Variants in PCDHGA1 observed in about 807,000 individuals in gnomAD.
PCDHGA1 encodes the protein protocadherin gamma subfamily A, 1.
PCDHGA1 carries 32 observed loss-of-function variants against 58.0 expected under a neutral mutation model. The observed-to-expected ratio is 0.55, with a 90% CI of 0.42 to 0.74. PCDHGA1 has a LOEUF of 0.74. PCDHGA1 is among the 30% of genes least tolerant of loss of function. The pLI, the probability that PCDHGA1 is intolerant of heterozygous loss-of-function variation, is 0.00. For synonymous variants in PCDHGA1, 498 were observed against 501.1 expected (o/e 0.99, Z 0.08); for missense variants, 1,205 against 1,182.3 (o/e 1.02, Z -0.28).
Position 141,491,910 on chromosome 5 carries a change from G to A in PCDHGA1, c.2422-2897G>A, listed in dbSNP as rs946745903. 1.4e-5 allele frequency: 19 copies of A among 1,406,944 alleles called. No individual in the cohort carries two copies. The South Asian group carries it at 2.6e-4, about 19-fold the overall frequency. 87.2% of individuals were successfully genotyped at this position (1,406,944 alleles called of 1,614,324 possible). On this transcript the variant is annotated intron_variant, in intron 1 of 3. Transcript: ENST00000517417. This position sits in a 1 kb window ranked among gnomAD's most constrained non-coding sequence, Gnocchi z 6.9. ...GGCTCCGAGCACCGGGGGTGGTGGCGACTGTGGGCGAGGGGAGGTGGGACC... is the reference window on the plus strand; with the variant it reads ...GGCTCCGAGCACCGGGGGTGGTGGCAACTGTGGGCGAGGGGAGGTGGGACC...
At chr5:141,355,634 A>G in intron 1 of PCDHGA1, 2 of 1,614,002 alleles carry the variant, frequency 1.2e-6, no homozygotes, top group African/African-American at 2.7e-5. Context: ...GTTGCTGAAA[A>G]TGAAAATCCT....
chr5:141,510,978 G>A lies in PCDHGA1; in HGVS notation c.2601G>A (p.Gly867=), dbSNP rs2099883535. 1.2e-6 allele frequency: 2 copies of A among 1,614,160 alleles called. No homozygotes were observed. The change falls in exon 4 of 4, where the codon GGG becomes GGA. Residue 867 remains glycine, a synonymous_variant. Transcript: ENST00000517417. The part of the protein sequence containing the change: ...EAADGSSTLG[G]GAGTMGLSAR... Reference sequence around the variant, plus strand: ...CTGATGGGAGCTCCACCCTGGGAGGGGGTGCCGGCACCATGGGATTGAGCG... The same window carrying A: ...CTGATGGGAGCTCCACCCTGGGAGGAGGTGCCGGCACCATGGGATTGAGCG...
intron 1 of PCDHGA1, among the ~76,000 whole-genome samples, chr5:141,469,186 G>T (rs536021769): frequency 6.6e-6 from 1 of 151,978 alleles, no homozygotes; most frequent in Admixed American, 6.6e-5. Flanking sequence ...TGAGGCAAGA[G>T]GATTGCTTGA....
intron 1 of PCDHGA1, chr5:141,398,960 C>A (rs779158655): frequency 3.1e-6 from 5 of 1,613,986 alleles, no homozygotes. Flanking sequence ...TCAGAAATTA[C>A]TTATTCCTTC....
At chr5:141,509,136 C>T (rs1217992935) in intron 3 of PCDHGA1, among the ~76,000 whole-genome samples, 1 of 152,142 alleles carries the variant, frequency 6.6e-6, no homozygotes, top group Non-Finnish European at 1.5e-5. Context: ...AAAACCGAGG[C>T]GCATCCCGGC....
At chr5:141,455,837 AT>A (rs2098833014) in intron 1 of PCDHGA1, among the ~76,000 whole-genome samples, 2 of 151,422 alleles carry the variant, frequency 1.3e-5, no homozygotes, top group African/African-American at 4.8e-5. Context: ...TTTCCTGTCT[AT>A]CTGCATAAAA....
intron 1 of PCDHGA1, chr5:141,398,796 C>G (rs765198482): frequency 8.1e-6 from 13 of 1,613,920 alleles, no homozygotes; most frequent in Middle Eastern, 1.6e-4. Context: ...CACCCCTAAG[C>G]GGCACCACTG....
At chr5:141,390,754 T>C (rs2092225927) in intron 1 of PCDHGA1, 1 of 168,266 alleles carries the variant, frequency 5.9e-6, no homozygotes, top group East Asian at 1.8e-4. Context: ...AGTCCACTGT[T>C]TTGTTTCCTG....
intron 1 of PCDHGA1, chr5:141,371,783 G>C (rs1396118548): frequency 6.2e-7 from 1 of 1,613,986 alleles, no homozygotes. Context: ...ATGTAGCTGA[G>C]AACAATCCGC....
At chr5:141,399,942 G>A (rs780939486) in intron 1 of PCDHGA1, 12 of 1,612,140 alleles carry the variant, frequency 7.4e-6, no homozygotes, top group Middle Eastern at 1.9e-4. Context: ...ACCACGTGCT[G>A]CAGGCTAGCG....
Position 141,437,358 on chromosome 5 carries a change from T to C in PCDHGA1, c.2422-57449T>C, listed in dbSNP as rs115917828. ...CTTCACTGTTTTATAGTACCTAAAATTGGAATGTAATCAGTCAGAAGACAT... is the reference window on the plus strand; with the variant it reads ...CTTCACTGTTTTATAGTACCTAAAACTGGAATGTAATCAGTCAGAAGACAT... On this transcript the variant is annotated intron_variant, in intron 1 of 3. Coordinates refer to ENST00000517417, the MANE Select transcript of PCDHGA1 (RefSeq NM_018912.3). 4.6e-3 allele frequency among the ~76,000 whole-genome samples: 702 copies of C among 152,356 alleles called. 4 individuals carry two copies. Among genetic ancestry groups the C allele is most frequent in the African/African-American group, 0.015 (639 of 41,574 alleles).
intron 1 of PCDHGA1, chr5:141,371,393 A>G (rs1227716102): frequency 5.6e-6 from 9 of 1,613,910 alleles, no homozygotes; most frequent in Admixed American, 5.0e-5. Flanking sequence ...ATTGTAAAGT[A>G]CAGATAGATA....
At chr5:141,446,873 A>T (rs1324695415) in intron 1 of PCDHGA1, among the ~76,000 whole-genome samples, 1 of 152,132 alleles carries the variant, frequency 6.6e-6, no homozygotes, top group African/African-American at 2.4e-5. Flanking sequence ...CTACACTGGT[A>T]TGTTTTGGGG....
chr5:141,427,742 C>T, intron 1 of PCDHGA1: 2 of 1,247,208 alleles, frequency 1.6e-6, no homozygotes, highest in Non-Finnish European at 2.3e-6. Context: ...GCCAAGTCTC[C>T]TACTCCATCG....
intron 1 of PCDHGA1, chr5:141,427,729 A>G (rs1176707357): frequency 8.5e-7 from 1 of 1,170,166 alleles, no homozygotes; most frequent in African/African-American, 1.5e-5. Context: ...CTAGGGCTGA[A>G]TGGCCAAGTC....
At chr5:141,433,853 A>G (rs934981508) in intron 1 of PCDHGA1, among the ~76,000 whole-genome samples, 1 of 152,026 alleles carries the variant, frequency 6.6e-6, no homozygotes, top group Non-Finnish European at 1.5e-5. Flanking sequence ...AAAAAAAAAA[A>G]AACTTTATCC....
intron 1 of PCDHGA1, among the ~76,000 whole-genome samples, chr5:141,429,780 A>G (rs1301908729): frequency 1.3e-5 from 2 of 152,222 alleles, no homozygotes; most frequent in Non-Finnish European, 2.9e-5. Flanking sequence ...ATGGGCTTCC[A>G]AAAGTATTAC....
chr5:141,380,649 A>G (rs1354203302), intron 1 of PCDHGA1, among the ~76,000 whole-genome samples: 1 of 152,230 alleles, frequency 6.6e-6, no homozygotes, highest in East Asian at 1.9e-4. Flanking sequence ...GCTAGAGACA[A>G]TGAAGCCATT....
chr5:141,351,717 C>G (rs1561501095), intron 1 of PCDHGA1: 5 of 1,613,854 alleles, frequency 3.1e-6, no homozygotes, highest in Non-Finnish European at 4.2e-6. Context: ...GTCTCCTACT[C>G]TATTCTGGCC....
Sources: allele counts gnomAD v4.1 joint callset (sites outside exome capture counted in the v4.1 genomes callset), GRCh38; gene constraint gnomAD v4.1.1; non-coding constraint Gnocchi (gnomAD v3.1); transcripts MANE v1.5; gene names NCBI Gene and HGNC (gene_info 2026-07-23, HGNC 2026-07-21).